The following DYM variants were observed in gnomAD, a reference collection of about 807,000 sequenced individuals.
DYM encodes the protein dymeclin, also known as dyggve-Melchior-Clausen syndrome protein.
In DYM, 78 loss-of-function variants were observed where a neutral mutation model predicts 93.1. The ratio of observed to expected loss-of-function variants is 0.84; its 90% CI spans 0.70 to 1.01. The LOEUF is 1.01. DYM is among the 50% of genes least tolerant of loss of function. The pLI is 0.00. For synonymous variants in DYM, 321 were observed against 319.7 expected (o/e 1.00, Z -0.04); for missense variants, 789 against 845.0 (o/e 0.93, Z 0.82).
At position 49,355,807 on chromosome 18, in the gene DYM, AATAAAT is replaced by A. The variant is rs567458236; in HGVS notation, c.494+7348_494+7353del. Among the ~76,000 whole-genome samples the A allele has an allele frequency of 3.3e-4, 51 of 152,318 alleles. 1 individual carries two copies. The highest frequency in any genetic ancestry group is 1.1e-3 in the African/African-American group (44 of 41,584). ...TTACTCTCAAAACTAAATGTAAAAA[AATAAAT>A]ATAAAGACTTATTTTTTCAAAATAA... On this transcript the variant is annotated intron_variant, in intron 6 of 17. Coordinates refer to ENST00000675505, the MANE Select transcript of DYM (RefSeq NM_001353214.3).
chr18:49,080,163 ACCCCCCCACCTCCCTCCCGGACGGGGCG>A, intron 17 of DYM, among the ~76,000 whole-genome samples: 1 of 26,328 alleles, frequency 3.8e-5, no homozygotes, highest in Non-Finnish European at 5.9e-5. Flanking sequence ...GGGGGGGCTG[ACCCCCCCACCTCCCTCCCGGACGGGGCG>A]TCTGGCCGGG....
At chr18:49,077,485 T>C (rs1199742531) in intron 17 of DYM, among the ~76,000 whole-genome samples, 1 of 152,096 alleles carries the variant, frequency 6.6e-6, no homozygotes, top group African/African-American at 2.4e-5. Flanking sequence ...TGAAATGTTC[T>C]GGGAATATCA....
intron 8 of DYM, among the ~76,000 whole-genome samples, chr18:49,312,288 TA>T (rs1322110878): frequency 6.6e-6 from 1 of 152,192 alleles, no homozygotes; most frequent in African/African-American, 2.4e-5. Flanking sequence ...AGCTGCAAGT[TA>T]AATCCTCAGA....
At chr18:49,385,257 G>A (rs1357601763) in intron 3 of DYM, among the ~76,000 whole-genome samples, 1 of 152,138 alleles carries the variant, frequency 6.6e-6, no homozygotes, top group Non-Finnish European at 1.5e-5. Context: ...TATAAAGCTG[G>A]CAAACGTTTT....
intron 8 of DYM, among the ~76,000 whole-genome samples, chr18:49,304,980 T>C (rs2061187911): frequency 6.6e-6 from 1 of 152,166 alleles, no homozygotes; most frequent in African/African-American, 2.4e-5. Flanking sequence ...ACTACAATTC[T>C]GAATTCATGC....
chr18:49,069,731 G>T (rs2076736026), intron 17 of DYM, among the ~76,000 whole-genome samples: 1 of 152,138 alleles, frequency 6.6e-6, no homozygotes. Context: ...TTGGGAACCA[G>T]ATGGCTAAGC....
chr18:49,414,327 A>G (rs2072653363), intron 2 of DYM, among the ~76,000 whole-genome samples: 1 of 152,238 alleles, frequency 6.6e-6, no homozygotes, highest in Non-Finnish European at 1.5e-5. Context: ...CAAGAGGACC[A>G]GACGAAAAAA....
chr18:49,060,990 G>A (rs897307683), intron 17 of DYM, among the ~76,000 whole-genome samples: 11 of 152,026 alleles, frequency 7.2e-5, no homozygotes, highest in African/African-American at 2.7e-4. Context: ...GAACAAAAAA[G>A]TCCATAATAA....
At chr18:49,316,470 A>C (rs899754293) in intron 8 of DYM, among the ~76,000 whole-genome samples, 1 of 152,236 alleles carries the variant, frequency 6.6e-6, no homozygotes, top group African/African-American at 2.4e-5. Context: ...CATCACGTAA[A>C]AAGATGTTTT....
intron 2 of DYM, among the ~76,000 whole-genome samples, chr18:49,428,358 G>C (rs986533482): frequency 6.6e-6 from 1 of 152,052 alleles, no homozygotes; most frequent in Non-Finnish European, 1.5e-5. Context: ...TCATTTACAT[G>C]AAACGTCTAG....
intron 5 of DYM, among the ~76,000 whole-genome samples, chr18:49,372,718 C>G (rs2067161025): frequency 6.6e-6 from 1 of 151,932 alleles, no homozygotes; most frequent in Non-Finnish European, 1.5e-5. Context: ...GCACTCCAGC[C>G]CAGGTGACAG....
intron 16 of DYM, 140 bp from the exon 17 acceptor site, chr18:49,097,655 C>A: frequency 1.3e-6 from 1 of 782,472 alleles, no homozygotes; most frequent in Non-Finnish European, 2.2e-6. Flanking sequence ...CCCTCCTAAA[C>A]GCAGTTTGCT....
chr18:49,162,192 A>G (rs1295040867), intron 15 of DYM, among the ~76,000 whole-genome samples: 1 of 152,188 alleles, frequency 6.6e-6, no homozygotes, highest in Non-Finnish European at 1.5e-5. Flanking sequence ...TGCTGTTTCT[A>G]TTCTATTCCA....
intron 13 of DYM, among the ~76,000 whole-genome samples, chr18:49,246,046 C>A (rs1260194019): frequency 2.0e-5 from 3 of 152,134 alleles, no homozygotes; most frequent in African/African-American, 4.8e-5. Context: ...TTCACAGTGG[C>A]CCTAGGACAG....
At chr18:49,401,490 A>C (rs1476851302) in intron 2 of DYM, among the ~76,000 whole-genome samples, 2 of 152,204 alleles carry the variant, frequency 1.3e-5, no homozygotes, top group African/African-American at 4.8e-5. Flanking sequence ...TGAAAGATCA[A>C]ATCAGGGTAA....
intron 15 of DYM, among the ~76,000 whole-genome samples, 200 bp downstream of exon 15, chr18:49,163,485 A>T (rs1211317466): frequency 6.6e-6 from 1 of 152,100 alleles, no homozygotes; most frequent in East Asian, 1.9e-4. Flanking sequence ...AGCTGGGACT[A>T]CAGGTGTGCA....
intron 13 of DYM, among the ~76,000 whole-genome samples, chr18:49,232,978 T>G (rs986384412): frequency 2.6e-5 from 4 of 152,162 alleles, no homozygotes; most frequent in Non-Finnish European, 5.9e-5. Context: ...ATTTAGATGT[T>G]GTAAGAATTA....
At chr18:49,245,427 GAAC>G (rs2144814254) in intron 13 of DYM, among the ~76,000 whole-genome samples, 2 of 152,248 alleles carry the variant, frequency 1.3e-5, no homozygotes, top group East Asian at 3.9e-4. Flanking sequence ...TCCCAGCAAG[GAAC>G]AACCCTGGGG....
intron 8 of DYM, among the ~76,000 whole-genome samples, chr18:49,317,599 C>CTCTCTCT (rs1200969854): frequency 4.5e-5 from 1 of 22,102 alleles, no homozygotes; most frequent in Non-Finnish European, 7.3e-5. Context: ...CTCTCTCTCC[C>CTCTCTCT]CCCTCCCCCC....
Sources: allele counts gnomAD v4.1 joint callset (sites outside exome capture counted in the v4.1 genomes callset), GRCh38; gene constraint gnomAD v4.1.1; transcripts MANE v1.5; gene names NCBI Gene and HGNC (gene_info 2026-07-23, HGNC 2026-07-21).